Variants in FRMPD3 observed in about 807,000 individuals in gnomAD.
FRMPD3 encodes the protein FERM and PDZ domain containing 3.
FRMPD3 carries 42 observed loss-of-function variants against 97.9 expected under a neutral mutation model. The ratio of observed to expected loss-of-function variants is 0.43; its 90% CI spans 0.34 to 0.55. The LOEUF (loss-of-function observed/expected upper bound fraction) is 0.55, where lower values mean the gene tolerates loss of function less well. FRMPD3 is among the 20% of genes least tolerant of loss of function. The probability of loss-of-function intolerance (pLI) is 0.03; values close to 1 mark genes in which losing one functional copy is unlikely to be tolerated. For missense variants in FRMPD3, 1,303 were observed against 1,457.7 expected, an observed-to-expected ratio of 0.89 and a Z score of 1.73; for synonymous variants, 577 against 581.1, an observed-to-expected ratio of 0.99 and a Z score of 0.10.
At chrX:107,549,521 C>T (rs73522843) in intron 5 of FRMPD3, among the ~76,000 whole-genome samples, 1,864 of 109,808 alleles carry the variant, frequency 0.017, 43 homozygotes, top group African/African-American at 0.058. Context: ...AATAGCAAGA[C>T]GTGACTCTGG....
At chrX:107,520,832 C>T (rs1466836262) in intron 1 of FRMPD3, among the ~76,000 whole-genome samples, 1 of 112,179 alleles carries the variant, frequency 8.9e-6, no homozygotes, top group Non-Finnish European at 1.9e-5. Context: ...ATCTCAGTTT[C>T]CTTATCTGTA....
At chrX:107,600,245 G>C in intron 14 of FRMPD3, 58 bp from the exon 15 acceptor site, 1 of 1,138,385 alleles carries the variant, frequency 8.8e-7, no homozygotes, top group Non-Finnish European at 1.2e-6. Context: ...CAACCGTGTA[G>C]AGCTGGAAAA....
At position 107,552,212 on chromosome X, in the gene FRMPD3, T is replaced by G. The variant is rs986438286; in HGVS notation, c.511-583T>G. On this transcript the variant is annotated intron_variant, in intron 6 of 14. Transcript: ENST00000683843. ...AAACACATGACATAGTTCCTCTGCA[T>G]GGATACATTTTTCGAGTTGCTAAAT... Among the ~76,000 whole-genome samples the G allele has an allele frequency of 9.8e-5, 11 of 112,601 alleles. 1 individual carries two copies. In the East Asian group the frequency reaches 3.1e-3, roughly 31 times the overall value.
chrX:107,577,950 T>C (rs768564595), intron 13 of FRMPD3, among the ~76,000 whole-genome samples: 1 of 111,779 alleles, frequency 8.9e-6, no homozygotes, highest in Admixed American at 9.5e-5. Flanking sequence ...TGACTTAGGA[T>C]AGTAAGAAAC....
Position 107,600,600 on chromosome X carries a change from CT to C in FRMPD3, c.2562del (p.Gly855AlafsTer37). ...GCCACAGGCCAGAGTCCTGGCCCCC[CT>C]GGCGCTCGGAGGAAGCTGCCCCAGT... ...PIATGQSPGPPGARRKLPQSE... is the reference protein window; with the variant it reads ...PIATGQSPGPXGARRKLPQSE... On this transcript the variant is annotated frameshift_variant, in exon 15 of 15. Coordinates refer to ENST00000683843, the MANE Select transcript of FRMPD3 (RefSeq NM_001388459.1). LOFTEE classifies it high-confidence loss of function. The C allele has an allele frequency of 8.3e-7, 1 of 1,210,291 alleles. No homozygotes were observed.
At chrX:107,553,972 T>A (rs1187950612) in intron 7 of FRMPD3, among the ~76,000 whole-genome samples, 1 of 112,147 alleles carries the variant, frequency 8.9e-6, no homozygotes, top group Non-Finnish European at 1.9e-5. Flanking sequence ...TGAAATAATA[T>A]TTTAAACCTT....
chrX:107,488,716 G>A (rs1229347092), intron 1 of FRMPD3, among the ~76,000 whole-genome samples: 1 of 111,457 alleles, frequency 9.0e-6, no homozygotes, highest in Non-Finnish European at 1.9e-5. Flanking sequence ...TTTTATTAAT[G>A]TGCTTTTTAA....
intron 1 of FRMPD3, among the ~76,000 whole-genome samples, chrX:107,493,981 C>T (rs1018966722): frequency 1.2e-4 from 13 of 111,045 alleles, no homozygotes; most frequent in Admixed American, 2.9e-4. Flanking sequence ...TGTCACCACA[C>T]ACCTTCTCAG....
chrX:107,482,039 T>C lies in FRMPD3; in HGVS notation c.-8+32034T>C, dbSNP rs558393746. 2.7e-5 allele frequency among the ~76,000 whole-genome samples: 3 copies of C among 111,909 alleles called. No homozygotes were observed. In the South Asian group the frequency reaches 1.2e-3, roughly 43 times the overall value. On this transcript the variant is annotated intron_variant, in intron 1 of 14. Coordinates refer to ENST00000683843, the MANE Select transcript of FRMPD3 (RefSeq NM_001388459.1). ...CCCAAGTCCCAGTCCAGTCCTTTTT[T>C]ATAAATCATGAGATACATTGTGCTG...
chrX:107,520,322 G>A (rs1676548565), intron 1 of FRMPD3, among the ~76,000 whole-genome samples: 1 of 110,616 alleles, frequency 9.0e-6, no homozygotes, highest in South Asian at 3.9e-4. Flanking sequence ...ATCCTCCTAC[G>A]AAGCCTATCT....
At chrX:107,502,991 G>A (rs1921950303) in intron 1 of FRMPD3, among the ~76,000 whole-genome samples, 1 of 111,374 alleles carries the variant, frequency 9.0e-6, no homozygotes, top group Non-Finnish European at 1.9e-5. Flanking sequence ...GTGGGATGGT[G>A]GTATAGGTGC....
rs1375304474 is a variant in FRMPD3 at position 107,597,577 on chromosome X, C to T, written c.1698C>T (p.Ser566=). 2.5e-6 allele frequency: 3 copies of T among 1,208,949 alleles called. No individual in the cohort carries two copies. The Admixed American group carries it at 6.6e-5, about 26-fold the overall frequency. ...TRPRTKSDPT[S]KSSGQGYEVV... The stretch of plus-strand genomic sequence containing the variant: ...CCCGAACCAAGTCTGACCCCACATC[C>T]AAAAGCTCTGGCCAAGGTTATGAGG... Residue 566 remains serine (S), a synonymous_variant, in exon 14 of 15, where the codon TCC becomes TCT. Transcript: ENST00000683843.
chrX:107,539,056 GA>G (rs777332443), intron 4 of FRMPD3, among the ~76,000 whole-genome samples: 15 of 105,023 alleles, frequency 1.4e-4, no homozygotes, highest in East Asian at 1.2e-3. Flanking sequence ...AGCAGAGACA[GA>G]AAAAAAAAAA....
At chrX:107,467,205 C>A (rs1931584775) in intron 1 of FRMPD3, among the ~76,000 whole-genome samples, 1 of 111,258 alleles carries the variant, frequency 9.0e-6, no homozygotes, top group Admixed American at 9.5e-5. Flanking sequence ...CGTGATAGCC[C>A]TTTTGTCATC....
chrX:107,512,695 G>T (rs1039997219), intron 1 of FRMPD3, among the ~76,000 whole-genome samples: 1 of 111,764 alleles, frequency 8.9e-6, no homozygotes, highest in African/African-American at 3.3e-5. Flanking sequence ...TACATGGAGG[G>T]TGGGGGCTGG....
At position 107,600,780 on chromosome X, in the gene FRMPD3, T is replaced by C; in HGVS notation, c.2741T>C (p.Leu914Pro). The C allele has an allele frequency of 1.7e-6, 2 of 1,207,688 alleles. No homozygotes were observed. The highest frequency in any genetic ancestry group is 2.2e-6 in the Non-Finnish European group (2 of 893,821). Residue 914 changes from leucine to proline, a missense_variant, in exon 15 of 15, where the codon CTG becomes CCG. Leu to Pro is a moderately conservative substitution (Grantham distance 98). This residue lies in a region of FRMPD3 where 764 missense variants were observed against 820.2 expected (regional missense o/e 0.93). Transcript: ENST00000683843. ...GHTRAGLEMSLRAATSSLSEE... is the reference protein window; with the variant it reads ...GHTRAGLEMSPRAATSSLSEE... ...ACTAGGGCAGGCCTAGAAATGTCAC[T>C]GAGGGCAGCCACATCATCCCTCAGT...
intron 1 of FRMPD3, among the ~76,000 whole-genome samples, chrX:107,511,670 G>A (rs1192560004): frequency 8.9e-6 from 1 of 112,892 alleles, no homozygotes; most frequent in African/African-American, 3.2e-5. Context: ...CCCCAGAGGG[G>A]TGCTATTTGA....
intron 1 of FRMPD3, among the ~76,000 whole-genome samples, chrX:107,500,430 G>A (rs999729516): frequency 8.9e-6 from 1 of 112,236 alleles, no homozygotes; most frequent in Admixed American, 9.4e-5. Context: ...TCCTAGCCGG[G>A]AGGCCTTTGG....
At chrX:107,563,256 C>A in intron 11 of FRMPD3, 56 bp downstream of exon 11, 1 of 1,015,418 alleles carries the variant, frequency 9.8e-7, no homozygotes, top group East Asian at 3.1e-5. Flanking sequence ...GGCTCTTGTC[C>A]TTGGGTGTGG....
Sources: allele counts gnomAD v4.1 joint callset (sites outside exome capture counted in the v4.1 genomes callset), GRCh38; gene constraint gnomAD v4.1.1; regional missense constraint gnomAD v4.1.1; transcripts MANE v1.5; gene names NCBI Gene and HGNC (gene_info 2026-07-23, HGNC 2026-07-21).